The following SRD5A2 variants were observed in gnomAD, a reference collection of about 807,000 sequenced individuals.
The protein encoded by SRD5A2 is 3-oxo-5-alpha-steroid 4-dehydrogenase 2.
Under a neutral mutation model 27.4 loss-of-function variants are expected in SRD5A2, and 30 were observed. The ratio of observed to expected loss-of-function variants is 1.10; its 90% CI spans 0.82 to 1.49. SRD5A2 has a LOEUF of 1.49. Among genes scored for constraint, SRD5A2 ranks in the 40% most tolerant of loss-of-function variants. SRD5A2 has a pLI of 0.00. For missense variants in SRD5A2, 348 were observed against 323.4 expected, an observed-to-expected ratio of 1.08 and a Z score of -0.58; for synonymous variants, 141 against 133.6, an observed-to-expected ratio of 1.06 and a Z score of -0.38.
the SRD5A2 span, among the ~76,000 whole-genome samples, chr2:31,622,049 C>T: frequency 6.6e-6 from 1 of 152,040 alleles, no homozygotes; most frequent in Non-Finnish European, 1.5e-5. Context: ...TGGTTTGCTG[C>T]TCAGATTATC....
intron 1 of SRD5A2, among the ~76,000 whole-genome samples, chr2:31,539,146 A>G (rs994609454): frequency 3.9e-5 from 6 of 152,208 alleles, no homozygotes; most frequent in Non-Finnish European, 5.9e-5. Flanking sequence ...AGCAAACATG[A>G]GAAGATTCTA....
intron 1 of SRD5A2, among the ~76,000 whole-genome samples, chr2:31,569,247 AT>A (rs1347336926): frequency 1.3e-5 from 2 of 152,216 alleles, no homozygotes; most frequent in Non-Finnish European, 2.9e-5. Flanking sequence ...ACATGCTTTT[AT>A]TTTTCTTAGA....
upstream of SRD5A2, among the ~76,000 whole-genome samples, chr2:31,581,634 C>T (rs1195104118): frequency 6.6e-6 from 1 of 152,196 alleles, no homozygotes; most frequent in Non-Finnish European, 1.5e-5. Context: ...AGAGGAGCGT[C>T]CGCTGAGCTC....
the SRD5A2 span, among the ~76,000 whole-genome samples, chr2:31,602,587 C>G: frequency 6.6e-6 from 1 of 151,910 alleles, no homozygotes; most frequent in African/African-American, 2.4e-5. Context: ...CAAAAAAGAG[C>G]CTGAGTAGCC....
At chr2:31,577,626 CAA>C (rs1469834061) in intron 1 of SRD5A2, among the ~76,000 whole-genome samples, 1 of 152,152 alleles carries the variant, frequency 6.6e-6, no homozygotes, top group Non-Finnish European at 1.5e-5. Flanking sequence ...GGACATTTTG[CAA>C]AAGAGTCTGA....
the SRD5A2 span, among the ~76,000 whole-genome samples, chr2:31,642,959 C>T: frequency 3.3e-5 from 5 of 151,846 alleles, no homozygotes; most frequent in African/African-American, 1.2e-4. Context: ...TATAATGTTC[C>T]AAAGCAGGTA....
chr2:31,549,460 G>C (rs1666340354), intron 1 of SRD5A2, among the ~76,000 whole-genome samples: 1 of 152,068 alleles, frequency 6.6e-6, no homozygotes, highest in African/African-American at 2.4e-5. Flanking sequence ...CTAAATAGAA[G>C]TGATGGTTGC....
chr2:31,568,005 A>G (rs1299514635), intron 1 of SRD5A2, among the ~76,000 whole-genome samples: 2 of 152,176 alleles, frequency 1.3e-5, no homozygotes. Flanking sequence ...GTTGCTGGGC[A>G]AGGCAAGCAG....
At chr2:31,553,248 G>C (rs749405193) in intron 1 of SRD5A2, among the ~76,000 whole-genome samples, 1 of 152,030 alleles carries the variant, frequency 6.6e-6, no homozygotes, top group Non-Finnish European at 1.5e-5. Context: ...AAAAAAGAAT[G>C]AAAGAGTTAA....
intron 1 of SRD5A2, among the ~76,000 whole-genome samples, chr2:31,558,916 C>T (rs112606420): frequency 0.02 from 3,087 of 152,246 alleles, 60 homozygotes; most frequent in African/African-American, 0.046. Flanking sequence ...AATGTAACCA[C>T]AATGTTAAGC....
chr2:31,598,214 G>T, the SRD5A2 span, among the ~76,000 whole-genome samples: 1 of 152,000 alleles, frequency 6.6e-6, no homozygotes, highest in East Asian at 1.9e-4. Context: ...ACCAAGCATT[G>T]TATGTTCTCA....
intron 1 of SRD5A2, among the ~76,000 whole-genome samples, chr2:31,543,130 A>G (rs1034650400): frequency 6.6e-6 from 1 of 152,220 alleles, no homozygotes; most frequent in Non-Finnish European, 1.5e-5. Flanking sequence ...TTTAGAGATA[A>G]GAAGGCAGTG....
chr2:31,533,181 G>A (rs1665952934), intron 2 of SRD5A2, among the ~76,000 whole-genome samples: 1 of 152,124 alleles, frequency 6.6e-6, no homozygotes, highest in Non-Finnish European at 1.5e-5. Flanking sequence ...GGACACCCCT[G>A]TACTAGGCAG....
At chr2:31,635,053 C>A in the SRD5A2 span, among the ~76,000 whole-genome samples, 1 of 152,146 alleles carries the variant, frequency 6.6e-6, no homozygotes, top group African/African-American at 2.4e-5. Context: ...GACCCCAGTA[C>A]TGGAATTGCT....
At chr2:31,583,398 C>A (rs1400016922), upstream of SRD5A2, among the ~76,000 whole-genome samples, 1 of 152,084 alleles carries the variant, frequency 6.6e-6, no homozygotes, top group Admixed American at 6.5e-5. Context: ...TGTAAAGTTA[C>A]ATGGTAAAGG....
rs759157341 is a variant in SRD5A2, at chr2:31,533,684, T to C, written c.364A>G (p.Asn122Asp). 6.3e-7 allele frequency: 1 copy of C among 1,581,654 alleles called. No individual in the cohort carries two copies. The highest frequency in any genetic ancestry group is 8.6e-7 in the Non-Finnish European group (1 of 1,163,168). The change falls in exon 2 of 5, where the codon AAT (asparagine) becomes GAT (aspartate). Residue 122 changes from asparagine to aspartate, a missense_variant. By Grantham distance (23) the Asn-to-Asp change is conservative (BLOSUM62 1). Coordinates refer to ENST00000622030, the MANE Select transcript of SRD5A2 (RefSeq NM_000348.4). ...AGATAGTAGCCTTGAAGGACTCCAT[T>C]TCCAGTGCAGAAGGCAGTGCCTCTG... ...ILRGTAFCTG[N>D]GVLQGYYLIY...
intron 1 of SRD5A2, among the ~76,000 whole-genome samples, chr2:31,568,359 A>C (rs1286858292): frequency 6.6e-6 from 1 of 152,142 alleles, no homozygotes; most frequent in East Asian, 1.9e-4. Flanking sequence ...GGGAACAATG[A>C]GGTACGCAAA....
the SRD5A2 span, among the ~76,000 whole-genome samples, chr2:31,638,544 T>C: frequency 2.0e-5 from 3 of 152,124 alleles, no homozygotes; most frequent in African/African-American, 7.2e-5. Context: ...ATCATTATTG[T>C]ATTCCAGTCT....
the SRD5A2 span, among the ~76,000 whole-genome samples, chr2:31,659,283 G>A: frequency 6.6e-6 from 1 of 152,082 alleles, no homozygotes; most frequent in Non-Finnish European, 1.5e-5. Context: ...AGACAAGGAT[G>A]CCCACTCTCA....
Sources: gnomAD v4.1 joint callset for allele counts (sites outside exome capture counted in the v4.1 genomes callset) on GRCh38, gnomAD v4.1.1 for gene constraint, MANE v1.5 for transcripts, NCBI Gene and HGNC (gene_info 2026-07-23, HGNC 2026-07-21) for gene names.